The following KIF21A variants were observed in gnomAD, a reference collection of about 807,000 sequenced individuals.
KIF21A encodes the protein kinesin-like protein KIF21A.
In KIF21A, 114 loss-of-function variants were observed where a neutral mutation model predicts 202.9. That is an observed-to-expected ratio of 0.56 (90% confidence interval 0.48 to 0.66). The LOEUF is 0.66. Ranked by LOEUF, KIF21A falls within the 30% of genes least tolerant of loss-of-function variation. KIF21A has a pLI of 0.00. For synonymous variants in KIF21A, 667 were observed against 670.8 expected, an observed-to-expected ratio of 0.99 and a Z score of 0.09; for missense variants, 1,677 against 1,994.9, an observed-to-expected ratio of 0.84 and a Z score of 3.04.
intron 1 of KIF21A, among the ~76,000 whole-genome samples, chr12:39,381,718 A>G (rs940441987): frequency 2.0e-5 from 3 of 152,112 alleles, no homozygotes; most frequent in African/African-American, 4.8e-5. Context: ...ATGATCCCCA[A>G]TGATCCACAC....
chr12:39,373,518 A>G (rs528836095), intron 1 of KIF21A, among the ~76,000 whole-genome samples: 5 of 152,152 alleles, frequency 3.3e-5, no homozygotes, highest in South Asian at 4.1e-4. Flanking sequence ...TGGCTGCTAT[A>G]CTACTCTGTG....
At chr12:39,308,160 G>C (rs1943657037) in intron 33 of KIF21A, among the ~76,000 whole-genome samples, 1 of 151,986 alleles carries the variant, frequency 6.6e-6, no homozygotes, top group African/African-American at 2.4e-5. Context: ...CTGAGGTCAG[G>C]AGTTTGAGTC....
intron 3 of KIF21A, among the ~76,000 whole-genome samples, chr12:39,369,396 G>A (rs1217669103): frequency 1.3e-5 from 2 of 152,078 alleles, no homozygotes; most frequent in Non-Finnish European, 2.9e-5. Context: ...GGAGGCAGGG[G>A]CTGCAGTGAG....
chr12:39,396,177 T>G (rs978057059), intron 1 of KIF21A, among the ~76,000 whole-genome samples: 1 of 152,174 alleles, frequency 6.6e-6, no homozygotes, highest in Non-Finnish European at 1.5e-5. Context: ...CACACCCACA[T>G]ATATCCCATA....
At chr12:39,357,475 C>A in intron 8 of KIF21A, 38 bp from the exon 9 acceptor site, 1 of 1,541,944 alleles carries the variant, frequency 6.5e-7, no homozygotes, top group African/African-American at 1.4e-5. Flanking sequence ...GGTTGAGGAG[C>A]CTTAAAAACA....
At chr12:39,340,716 C>A (rs1947368403) in intron 15 of KIF21A, among the ~76,000 whole-genome samples, 190 bp downstream of exon 15, 1 of 151,684 alleles carries the variant, frequency 6.6e-6, no homozygotes, top group Admixed American at 6.6e-5. Context: ...TATAATGTGG[C>A]CAAAAAGTAT....
chr12:39,439,990 CA>C (rs1939341182), intron 1 of KIF21A, among the ~76,000 whole-genome samples: 1 of 151,886 alleles, frequency 6.6e-6, no homozygotes, highest in African/African-American at 2.4e-5. Flanking sequence ...GGAAAAAAAG[CA>C]GGTCAAATGC....
intron 1 of KIF21A, among the ~76,000 whole-genome samples, chr12:39,371,593 C>T (rs1224034468): frequency 6.6e-6 from 1 of 152,040 alleles, no homozygotes; most frequent in Non-Finnish European, 1.5e-5. Context: ...TCCCTACTTG[C>T]CATGGAGAAA....
At chr12:39,377,314 T>C (rs1292273519) in intron 1 of KIF21A, among the ~76,000 whole-genome samples, 2 of 152,152 alleles carry the variant, frequency 1.3e-5, no homozygotes, top group Non-Finnish European at 2.9e-5. Flanking sequence ...TCAATTTCAT[T>C]TCTTGATGTT....
At position 39,340,269 on chromosome 12, in the gene KIF21A, G is replaced by A; in HGVS notation, c.2206C>T (p.Gln736Ter). 6.2e-7 allele frequency: 1 copy of A among 1,612,918 alleles called. No homozygotes were observed. Among genetic ancestry groups the A allele is most frequent in the Non-Finnish European group, 8.5e-7 (1 of 1,179,418 alleles). Residue 736 changes from glutamine to a stop codon, truncating the protein, a stop_gained, in exon 16 of 38, where the codon CAA (glutamine) becomes TAA (stop). Transcript: ENST00000361418. LOFTEE classifies it high-confidence loss of function. ...CTTGCATGTTCTTTTTGAGCTGCTT[G>A]AAGTCTCTGCAGTTCTTTGTTCATG... Reference protein sequence around the residue: ...QAMNKELQRLQAAQKEHARLL... With the variant: ...QAMNKELQRL
At chr12:39,304,379 T>G (rs906252489) in intron 35 of KIF21A, among the ~76,000 whole-genome samples, 1 of 152,238 alleles carries the variant, frequency 6.6e-6, no homozygotes, top group African/African-American at 2.4e-5. Flanking sequence ...ACAACTTATT[T>G]TAAACTCTAG....
intron 1 of KIF21A, among the ~76,000 whole-genome samples, chr12:39,422,261 G>A (rs894631080): frequency 1.3e-5 from 2 of 151,864 alleles, no homozygotes; most frequent in South Asian, 2.1e-4. Flanking sequence ...ATGCCCAGCC[G>A]CAAACAGTAC....
Position 39,442,945 on chromosome 12 carries a change from G to C in KIF21A, c.26C>G (p.Ser9Cys). The C allele has an allele frequency of 6.6e-7, 1 of 1,524,244 alleles. No homozygotes were observed. The highest frequency in any genetic ancestry group is 8.8e-7 in the Non-Finnish European group (1 of 1,142,820). 94.4% of individuals were successfully genotyped at this position (1,524,244 alleles called of 1,614,324 possible). ...TCCTCACCTGACAGCCACCCGCACG[G>C]AGCTCTCGTCCGGGGCGCCCAACAT... Reference protein sequence around the residue: MLGAPDESSVRVAVRIRPQ... With the variant: MLGAPDESCVRVAVRIRPQ... The change falls in exon 1 of 38, where the codon TCC becomes TGC. Residue 9 changes from serine (S) to cysteine (C), a missense_variant. By Grantham distance (112) the Ser-to-Cys change is moderately radical (BLOSUM62 -1). Transcript: ENST00000361418. This position sits in a 1 kb window ranked among gnomAD's most constrained non-coding sequence, Gnocchi z 5.0.
chr12:39,307,750 C>G (rs1565666367), intron 33 of KIF21A, 21 bp from the exon 34 acceptor site: 2 of 1,610,944 alleles, frequency 1.2e-6, no homozygotes, highest in South Asian at 2.2e-5. Flanking sequence ...ACAAACAAAG[C>G]AAAAAAGTCA....
At chr12:39,392,370 CCT>C (rs1328372152) in intron 1 of KIF21A, among the ~76,000 whole-genome samples, 4 of 152,086 alleles carry the variant, frequency 2.6e-5, no homozygotes, top group African/African-American at 7.2e-5. Context: ...TCTCCCAACC[CCT>C]GTTTGTATAA....
chr12:39,373,971 G>A (rs1592403131), intron 1 of KIF21A, among the ~76,000 whole-genome samples: 1 of 152,162 alleles, frequency 6.6e-6, no homozygotes, highest in South Asian at 2.1e-4. Context: ...TTTCCAGCAG[G>A]TCTGAGAAAG....
chr12:39,405,089 T>C (rs1952478927), intron 1 of KIF21A, among the ~76,000 whole-genome samples: 1 of 152,204 alleles, frequency 6.6e-6, no homozygotes, highest in Non-Finnish European at 1.5e-5. Context: ...CACTGGCTCA[T>C]GCATATAATC....
At chr12:39,377,459 C>A (rs1566046807) in intron 1 of KIF21A, among the ~76,000 whole-genome samples, 1 of 152,110 alleles carries the variant, frequency 6.6e-6, no homozygotes, top group East Asian at 1.9e-4. Flanking sequence ...TTAGTAGATA[C>A]CACATTAAGG....
chr12:39,376,455 T>C (rs1041394042), intron 1 of KIF21A, among the ~76,000 whole-genome samples: 3 of 152,134 alleles, frequency 2.0e-5, no homozygotes, highest in Non-Finnish European at 2.9e-5. Context: ...CAGAAAGGAA[T>C]AGAACTAAGG....
Sources: gnomAD v4.1 joint callset for allele counts (sites outside exome capture counted in the v4.1 genomes callset) on GRCh38, gnomAD v4.1.1 for gene constraint, Gnocchi (gnomAD v3.1) non-coding constraint, MANE v1.5 for transcripts, NCBI Gene and HGNC (gene_info 2026-07-23, HGNC 2026-07-21) for gene names.